Variants in TNS3 observed in about 807,000 individuals in gnomAD.
TNS3 encodes tensin 3.
A neutral mutation model predicts 140.9 loss-of-function variants in TNS3; 45 were observed. That is an observed-to-expected ratio of 0.32 (90% CI 0.25 to 0.41). The LOEUF is 0.41. TNS3 is among the 10% of genes least tolerant of loss of function. The probability of loss-of-function intolerance (pLI) is 1.00; values close to 1 mark genes in which losing one functional copy is unlikely to be tolerated. For missense variants in TNS3, 1,716 were observed against 1,906.7 expected (o/e 0.90, Z 1.86); for synonymous variants, 815 against 788.4 (o/e 1.03, Z -0.56).
chr7:47,353,992 A>ACAC (rs1789832359), intron 17 of TNS3, among the ~76,000 whole-genome samples: 1 of 143,398 alleles, frequency 7.0e-6, no homozygotes, highest in African/African-American at 2.6e-5. Flanking sequence ...CAGAGGACAA[A>ACAC]ACACACACAC....
At chr7:47,360,791 T>TCCC (rs1331434158) in intron 17 of TNS3, among the ~76,000 whole-genome samples, 3 of 151,996 alleles carry the variant, frequency 2.0e-5, no homozygotes, top group Admixed American at 6.6e-5. Flanking sequence ...GCTGCTGTCT[T>TCCC]CCCCCATGCT....
At position 47,290,126 on chromosome 7, in the gene TNS3, T is replaced by C. The variant is rs1218022282; in HGVS notation, c.3928+1829A>G. Among the ~76,000 whole-genome samples the C allele has an allele frequency of 3.9e-5, 6 of 152,184 alleles. No individual in the cohort carries two copies. In the East Asian group the frequency reaches 9.6e-4, roughly 24 times the overall value. On this transcript the variant is annotated intron_variant, in intron 27 of 30. Transcript: ENST00000311160. ...GACAAAAGAGCAAAGGGAATACAAC[T>C]GTGAAAAGACAGATTTTTCAACTGG...
intron 16 of TNS3, among the ~76,000 whole-genome samples, chr7:47,393,721 C>T (rs1164582807): frequency 6.6e-6 from 1 of 152,144 alleles, no homozygotes; most frequent in Non-Finnish European, 1.5e-5. Flanking sequence ...CTTTATGAAG[C>T]CTGGAAGCAG....
At chr7:47,578,273 G>A (rs1040534327) in intron 1 of TNS3, among the ~76,000 whole-genome samples, 1 of 151,920 alleles carries the variant, frequency 6.6e-6, no homozygotes, top group Admixed American at 6.6e-5. Context: ...TGGCCCGACT[G>A]GACTCCAGCC....
At chr7:47,472,239 C>T (rs1460980188) in intron 4 of TNS3, among the ~76,000 whole-genome samples, 1 of 152,222 alleles carries the variant, frequency 6.6e-6, no homozygotes, top group Non-Finnish European at 1.5e-5. Flanking sequence ...AATAAGGTCA[C>T]ATTCAGGGGT....
Position 47,497,030 on chromosome 7 carries a change from T to C in TNS3, c.-115+9877A>G, listed in dbSNP as rs143472957. 8.9e-3 allele frequency among the ~76,000 whole-genome samples: 1,192 copies of C among 134,624 alleles called. 15 individuals carry two copies. Among genetic ancestry groups the C allele is most frequent in the African/African-American group, 0.036 (1,115 of 30,776 alleles). 88.3% of individuals were successfully genotyped at this position (134,624 alleles called of 152,430 possible). ...AAGCCCACGGCTCTGCCATTAGCCATATGGAACCACTTTCAGGTGGGCCTC... is the reference window on the plus strand; with the variant it reads ...AAGCCCACGGCTCTGCCATTAGCCACATGGAACCACTTTCAGGTGGGCCTC... On this transcript the variant is annotated intron_variant, in intron 3 of 30. Transcript: ENST00000311160.
intron 4 of TNS3, among the ~76,000 whole-genome samples, chr7:47,475,014 C>T (rs1414732444): frequency 6.6e-6 from 1 of 150,966 alleles, no homozygotes; most frequent in Non-Finnish European, 1.5e-5. Context: ...ACACGCAACA[C>T]ACAACACACA....
At chr7:47,314,985 G>A (rs1056885355) in intron 20 of TNS3, among the ~76,000 whole-genome samples, 12 of 152,322 alleles carry the variant, frequency 7.9e-5, no homozygotes, top group South Asian at 4.1e-4. Context: ...GGCAAAAGCC[G>A]TCTTCCTGAG....
At chr7:47,445,740 C>T (rs939988951) in intron 4 of TNS3, among the ~76,000 whole-genome samples, 1 of 152,190 alleles carries the variant, frequency 6.6e-6, no homozygotes, top group Non-Finnish European at 1.5e-5. Context: ...TGGGGTAGAA[C>T]CCCCTCAGCT....
intron 20 of TNS3, among the ~76,000 whole-genome samples, chr7:47,335,033 T>C (rs1407276041): frequency 6.6e-6 from 1 of 152,262 alleles, no homozygotes; most frequent in East Asian, 1.9e-4. Context: ...CATAATTTTA[T>C]CTATTTTTGC....
chr7:47,415,068 G>A (rs1225513004), intron 11 of TNS3, 26 bp downstream of exon 11: 2 of 1,569,732 alleles, frequency 1.3e-6, no homozygotes, highest in Non-Finnish European at 1.7e-6. Flanking sequence ...GCCAATCGCA[G>A]GTGCCACGTC....
intron 2 of TNS3, among the ~76,000 whole-genome samples, chr7:47,524,117 A>G (rs1343710575): frequency 6.6e-6 from 1 of 152,200 alleles, no homozygotes; most frequent in African/African-American, 2.4e-5. Context: ...CGGCACATCC[A>G]GGGTGCAGTG....
At chr7:47,460,212 C>CAAAAAAAAAAAAAAAAAAAAAAA (rs10526565) in intron 4 of TNS3, among the ~76,000 whole-genome samples, 1 of 115,052 alleles carries the variant, frequency 8.7e-6, no homozygotes. Context: ...GACTCTGTCC[C>CAAAAAAAAAAAAAAAAAAAAAAA]AAAAAAAAAA....
chr7:47,424,573 T>C (rs1360768178), intron 9 of TNS3, among the ~76,000 whole-genome samples: 3 of 152,114 alleles, frequency 2.0e-5, no homozygotes, highest in Non-Finnish European at 2.9e-5. Flanking sequence ...AGAAGACCAT[T>C]TTAAGTGGGC....
At chr7:47,522,779 T>A (rs937995986) in intron 2 of TNS3, among the ~76,000 whole-genome samples, 1 of 151,884 alleles carries the variant, frequency 6.6e-6, no homozygotes, top group Non-Finnish European at 1.5e-5. Flanking sequence ...ATACAAAAAA[T>A]TAGCCGGGTG....
At chr7:47,377,728 T>TCCTTCTCCTCCTCCCTTTCCTCCC (rs1791486625) in intron 16 of TNS3, among the ~76,000 whole-genome samples, 1 of 148,458 alleles carries the variant, frequency 6.7e-6, no homozygotes, top group African/African-American at 2.5e-5. Flanking sequence ...CCTTTCCTCC[T>TCCTTCTCCTCCTCCCTTTCCTCCC]CCTTCTCCTC....
chr7:47,474,893 G>A (rs1329247637), intron 4 of TNS3, among the ~76,000 whole-genome samples: 32 of 118,742 alleles, frequency 2.7e-4, no homozygotes, highest in African/African-American at 5.7e-4. Flanking sequence ...CACACACACC[G>A]CAACACACAC....
intron 4 of TNS3, chr7:47,452,935 T>C (rs935299225): frequency 1.0e-6 from 1 of 985,380 alleles, no homozygotes; most frequent in Non-Finnish European, 1.2e-6. Flanking sequence ...GAACTTACTG[T>C]GCTGGGCCTG....
rs572351726 is a variant in TNS3 at position 47,520,184 on chromosome 7, G to A, written c.-153+8852C>T. Among the ~76,000 whole-genome samples, 243 of 152,182 alleles carry A rather than the reference G, an allele frequency of 1.6e-3. 1 individual carries two copies. The highest frequency in any genetic ancestry group is 1.0e-2 in the South Asian group (48 of 4,818). ...GTGTCCCAGGGTTGCTGATACCCAC[G>A]TGGGCTCCGTGAAGCACAGCACTGC... On this transcript the variant is annotated intron_variant, in intron 2 of 30. Transcript: ENST00000311160.
Sources: allele counts gnomAD v4.1 joint callset (sites outside exome capture counted in the v4.1 genomes callset), GRCh38; gene constraint gnomAD v4.1.1; transcripts MANE v1.5; gene names NCBI Gene and HGNC (gene_info 2026-07-23, HGNC 2026-07-21).